RC3H1: variants seen among roughly 807,000 people sequenced by gnomAD.
RC3H1 encodes the protein roquin-1.
A neutral mutation model predicts 138.2 loss-of-function variants in RC3H1; 50 were observed. The ratio of observed to expected loss-of-function variants is 0.36; its 90% CI spans 0.29 to 0.46. RC3H1 has a LOEUF of 0.46. Ranked by LOEUF, RC3H1 falls within the 20% of genes least tolerant of loss-of-function variation. RC3H1 has a pLI of 1.00. For missense variants in RC3H1, 1,031 were observed against 1,388.1 expected, an observed-to-expected ratio of 0.74 and a Z score of 4.09; for synonymous variants, 462 against 489.1, an observed-to-expected ratio of 0.94 and a Z score of 0.73.
At chr1:174,020,294 T>A (rs1661934510) in intron 1 of RC3H1, among the ~76,000 whole-genome samples, 1 of 152,216 alleles carries the variant, frequency 6.6e-6, no homozygotes. Flanking sequence ...AAGCATAAAA[T>A]GAAGGTCAGT....
chr1:173,981,107 G>T, intron 5 of RC3H1, 98 bp from the exon 6 acceptor site: 1 of 1,008,306 alleles, frequency 9.9e-7, no homozygotes, highest in Non-Finnish European at 1.5e-6. Context: ...AGCATCAACA[G>T]CAAGATTAAA....
rs866772230 is a variant in RC3H1 at position 173,993,304 on chromosome 1, T to G, written c.-150-169A>C. 6.1e-4 allele frequency among the ~76,000 whole-genome samples: 88 copies of G among 144,088 alleles called. 1 individual carries two copies. The highest frequency in any genetic ancestry group is 2.4e-4 in the Non-Finnish European group (16 of 68,022). 94.5% of individuals were successfully genotyped at this position (144,088 alleles called of 152,430 possible). A position where few individuals can be genotyped will look rare whatever the true frequency, so the allele number is the denominator to read the frequency against. Reference sequence around the variant, plus strand: ...ATTAGAGCCATGATAGAACATCTATTTCCATTCCCTCATTTTAGAGATGGG... The same window carrying G: ...ATTAGAGCCATGATAGAACATCTATGTCCATTCCCTCATTTTAGAGATGGG... On this transcript the variant is annotated intron_variant, in intron 1 of 19. Coordinates refer to ENST00000367696, the MANE Select transcript of RC3H1 (RefSeq NM_172071.4).
chr1:173,947,621 G>T, intron 14 of RC3H1, 39 bp from the exon 15 acceptor site: 2 of 1,518,916 alleles, frequency 1.3e-6, no homozygotes, highest in South Asian at 1.1e-5. Context: ...CCCACACTCA[G>T]ATCGCTCTGT....
At chr1:173,978,788 C>T (rs1660684490) in intron 6 of RC3H1, among the ~76,000 whole-genome samples, 168 bp from the exon 7 acceptor site, 2 of 152,196 alleles carry the variant, frequency 1.3e-5, no homozygotes, top group Non-Finnish European at 1.5e-5. Context: ...AAATTCTGTA[C>T]TTCTCTGCAT....
intron 17 of RC3H1, 32 bp from the exon 18 acceptor site, chr1:173,943,647 C>T: frequency 6.3e-7 from 1 of 1,587,052 alleles, no homozygotes; most frequent in Non-Finnish European, 8.6e-7. Flanking sequence ...ACAGAAAACT[C>T]AACACACTTC....
chr1:173,957,717 C>T (rs575921713), intron 13 of RC3H1, among the ~76,000 whole-genome samples: 5 of 151,888 alleles, frequency 3.3e-5, no homozygotes, highest in Admixed American at 2.0e-4. Context: ...TCCCACCACA[C>T]CTAGCTCATT....
chr1:174,022,267 G>GCTGCTGAGGCTGCTC lies in RC3H1; in HGVS notation c.-337_-323dup. 1 of 389,162 alleles carries GCTGCTGAGGCTGCTC rather than the reference G, an allele frequency of 2.6e-6. No homozygotes were observed. Among genetic ancestry groups the GCTGCTGAGGCTGCTC allele is most frequent in the Non-Finnish European group, 4.5e-6 (1 of 220,374 alleles). The allele number at this position is 389,162 out of a possible 1,614,324, so 24.1% of individuals were successfully genotyped here. The stretch of plus-strand genomic sequence containing the variant: ...CACCGCCTCCGGCCTCCCACCTGCT[G>GCTGCTGAGGCTGCTC]CTGCTGAGGCTGCTCCTGCAGCAGG... On this transcript the variant is annotated 5_prime_UTR_variant, in exon 1 of 20. Coordinates refer to ENST00000367696, the MANE Select transcript of RC3H1 (RefSeq NM_172071.4). This position sits in a 1 kb window ranked among gnomAD's most constrained non-coding sequence, Gnocchi z 4.2.
At chr1:173,982,004 C>T (rs1206373399) in intron 5 of RC3H1, among the ~76,000 whole-genome samples, 1 of 152,116 alleles carries the variant, frequency 6.6e-6, no homozygotes, top group Non-Finnish European at 1.5e-5. Flanking sequence ...GAGACTATGT[C>T]CAGCATTACC....
At position 173,955,087 on chromosome 1, in the gene RC3H1, G is replaced by A. The variant is rs182911878; in HGVS notation, c.2371-2949C>T. Among the ~76,000 whole-genome samples the A allele has an allele frequency of 2.5e-3, 374 of 151,314 alleles. 2 individuals are homozygous for A. Among genetic ancestry groups the A allele is most frequent in the African/African-American group, 8.2e-3 (339 of 41,292 alleles). On this transcript the variant is annotated intron_variant, in intron 13 of 19. Transcript: ENST00000367696. ...TAAAAATACAAAAAATTAGCCAAGC[G>A]TGGTGGCGGGCGCCTGTAATCCCAG...
At position 173,964,085 on chromosome 1, in the gene RC3H1, T is replaced by A; in HGVS notation, c.1719A>T (p.Pro573=). The A allele has an allele frequency of 1.2e-6, 2 of 1,614,112 alleles. No individual in the cohort carries two copies. Among genetic ancestry groups the A allele is most frequent in the Non-Finnish European group, 1.7e-6 (2 of 1,179,992 alleles). The change falls in exon 11 of 20, where the codon CCA becomes CCT. Residue 573 remains proline, a synonymous_variant. Coordinates refer to ENST00000367696, the MANE Select transcript of RC3H1 (RefSeq NM_172071.4). ...GAGAACCTCGAGGTACCATCTGAAG[T>A]GGTTTGGTAACAGGCATTGGAGGCA... ...ADLPPMPVTK[P]LQMVPRGSQL...
At chr1:174,009,420 CAT>C (rs1167697504) in intron 1 of RC3H1, 5 of 152,222 alleles carry the variant, frequency 3.3e-5, no homozygotes, top group African/African-American at 9.7e-5. Context: ...TATCCAACCA[CAT>C]GTTAAACTGC....
intron 9 of RC3H1, among the ~76,000 whole-genome samples, chr1:173,967,130 C>T (rs912655575): frequency 1.3e-5 from 2 of 151,904 alleles, no homozygotes; most frequent in East Asian, 3.9e-4. Flanking sequence ...CAAGAACAGC[C>T]TGGGAAACAT....
intron 12 of RC3H1, 116 bp from the exon 13 acceptor site, chr1:173,961,360 T>C (rs114730434): frequency 5.9e-5 from 51 of 864,980 alleles, no homozygotes; most frequent in Non-Finnish European, 7.3e-5. Flanking sequence ...TTCTTAACAT[T>C]TGGAAACACC....
chr1:173,944,820 A>G (rs1659064561), intron 17 of RC3H1, among the ~76,000 whole-genome samples: 1 of 152,214 alleles, frequency 6.6e-6, no homozygotes, highest in Admixed American at 6.5e-5. Context: ...ACATAGGGGC[A>G]CAAGCCAGCT....
At chr1:174,007,333 T>C (rs1320671140) in intron 1 of RC3H1, among the ~76,000 whole-genome samples, 2 of 149,980 alleles carry the variant, frequency 1.3e-5, no homozygotes, top group Non-Finnish European at 3.0e-5. Context: ...GAGCTTGCAG[T>C]GAGCCGAGAT....
intron 11 of RC3H1, among the ~76,000 whole-genome samples, chr1:173,962,856 T>A (rs1659940645): frequency 6.6e-6 from 1 of 152,172 alleles, no homozygotes; most frequent in African/African-American, 2.4e-5. Flanking sequence ...AAGATACAAA[T>A]CACGTTTTAT....
At chr1:173,983,165 T>TG (rs1201213197) in intron 4 of RC3H1, 3 of 506,848 alleles carry the variant, frequency 5.9e-6, no homozygotes, top group Non-Finnish European at 1.0e-5. Context: ...GCTACAGGTG[T>TG]GAAAAAAAGG....
At position 173,943,431 on chromosome 1, in the gene RC3H1, A is replaced by AT. The variant is rs772490889; in HGVS notation, c.3135+10dup. 2 of 1,607,498 alleles carry AT rather than the reference A, an allele frequency of 1.2e-6. No individual in the cohort carries two copies. Among genetic ancestry groups the AT allele is most frequent in the Non-Finnish European group, 1.7e-6 (2 of 1,176,194 alleles). On this transcript the variant is annotated intron_variant, in intron 18 of 19. Transcript: ENST00000367696. ...TTCACCTTCCCTCTCTTTCCCCACC[A>AT]TAACACTCACCATACTCAGTTCCCG...
rs545858428 is a variant in RC3H1 at position 173,993,090 on chromosome 1, T to A, written c.-105A>T. On this transcript the variant is annotated 5_prime_UTR_variant, in exon 2 of 20. Transcript: ENST00000367696. The stretch of plus-strand genomic sequence containing the variant: ...AAAAAAAGTTTATCTTTTTTTTTTT[T>A]AAATATCTTCTGTAGATACAGTCAG... 2.0e-4 allele frequency: 158 copies of A among 789,890 alleles called. No homozygotes were observed. Among genetic ancestry groups the A allele is most frequent in the Admixed American group, 8.2e-4 (31 of 37,786 alleles). The allele number at this position is 789,890 out of a possible 1,614,324, so 48.9% of individuals were successfully genotyped here. A position where few individuals can be genotyped will look rare whatever the true frequency, so the allele number is the denominator to read the frequency against.
Sources: allele counts gnomAD v4.1 joint callset (sites outside exome capture counted in the v4.1 genomes callset), GRCh38; gene constraint gnomAD v4.1.1; non-coding constraint Gnocchi (gnomAD v3.1); transcripts MANE v1.5; gene names NCBI Gene and HGNC (gene_info 2026-07-23, HGNC 2026-07-21).